The following PDE3A variants were observed in gnomAD, a reference collection of about 807,000 sequenced individuals.
PDE3A encodes the protein phosphodiesterase 3A, also known as cGMP-inhibited 3',5'-cyclic phosphodiesterase 3A.
PDE3A carries 43 observed loss-of-function variants against 98.3 expected under a neutral mutation model. That is an observed-to-expected ratio of 0.44 (90% CI 0.34 to 0.56). PDE3A has a LOEUF of 0.56. PDE3A is among the 20% of genes least tolerant of loss of function. The pLI is 0.01. For synonymous variants in PDE3A, 663 were observed against 567.9 expected, an observed-to-expected ratio of 1.17 and a Z score of -2.38; for missense variants, 1,427 against 1,440.7, an observed-to-expected ratio of 0.99 and a Z score of 0.15.
intron 2 of PDE3A, among the ~76,000 whole-genome samples, chr12:20,561,731 T>G (rs1215297170): frequency 1.3e-5 from 2 of 152,186 alleles, no homozygotes; most frequent in Admixed American, 1.3e-4. Context: ...TTTCCCTTTG[T>G]ATTTCAAAAT....
Position 20,560,095 on chromosome 12 carries a change from T to C in PDE3A, c.1011+3385T>C, listed in dbSNP as rs112502673. Among the ~76,000 whole-genome samples, 947 of 152,240 alleles carry C rather than the reference T, an allele frequency of 6.2e-3. 16 individuals are homozygous for C. Among genetic ancestry groups the C allele is most frequent in the African/African-American group, 0.021 (884 of 41,536 alleles). On this transcript the variant is annotated intron_variant, in intron 2 of 15. Transcript: ENST00000359062. ...AGATGAAAGATGATGACTTCAGGGT[T>C]GGCAATATTAAGTGACAAGTGAAGG...
chr12:20,670,913 G>T (rs1296613703), intron 15 of PDE3A, among the ~76,000 whole-genome samples: 1 of 131,166 alleles, frequency 7.6e-6, no homozygotes, highest in African/African-American at 3.2e-5. Flanking sequence ...TCCAGGAGCT[G>T]GTTTTTTGAA....
At chr12:20,493,477 C>T (rs931242263) in intron 1 of PDE3A, among the ~76,000 whole-genome samples, 4 of 152,142 alleles carry the variant, frequency 2.6e-5, no homozygotes, top group African/African-American at 9.7e-5. Flanking sequence ...GTTATGTGCA[C>T]ATACTATGCT....
chr12:20,549,865 TAAAAGA>T (rs202016891), intron 1 of PDE3A, among the ~76,000 whole-genome samples: 5,913 of 152,212 alleles, frequency 0.039, 356 homozygotes, highest in African/African-American at 0.13. Context: ...TTTTATGCTT[TAAAAGA>T]AAAAGTCAAA....
At chr12:20,553,711 C>T (rs2121261042) in intron 1 of PDE3A, among the ~76,000 whole-genome samples, 1 of 152,358 alleles carries the variant, frequency 6.6e-6, no homozygotes, top group South Asian at 2.1e-4. Context: ...CCACGTGGGG[C>T]CAGGCGTGTG....
intron 1 of PDE3A, among the ~76,000 whole-genome samples, chr12:20,524,267 C>T (rs1245205177): frequency 1.3e-5 from 2 of 152,200 alleles, no homozygotes; most frequent in African/African-American, 4.8e-5. Flanking sequence ...TAGCTCTTCA[C>T]ATCCTCCCAA....
At chr12:20,579,767 T>C (rs906814640) in intron 2 of PDE3A, among the ~76,000 whole-genome samples, 2 of 152,186 alleles carry the variant, frequency 1.3e-5, no homozygotes, top group Non-Finnish European at 2.9e-5. Flanking sequence ...GTATGTACAA[T>C]GATTCAGAGT....
At chr12:20,603,523 G>GAAAT (rs1943642739) in intron 2 of PDE3A, among the ~76,000 whole-genome samples, 2 of 152,194 alleles carry the variant, frequency 1.3e-5, no homozygotes, top group Admixed American at 1.3e-4. Context: ...GTAAGAAGTG[G>GAAAT]AAATAGGTTT....
intron 2 of PDE3A, among the ~76,000 whole-genome samples, chr12:20,562,947 A>T (rs528078781): frequency 1.3e-5 from 2 of 152,340 alleles, no homozygotes; most frequent in East Asian, 1.9e-4. Context: ...TTAAATGCAC[A>T]CTAGACTATC....
intron 1 of PDE3A, among the ~76,000 whole-genome samples, chr12:20,382,453 A>T (rs1943679132): frequency 6.6e-6 from 1 of 151,964 alleles, no homozygotes; most frequent in Non-Finnish European, 1.5e-5. Flanking sequence ...TTGAAGTTCA[A>T]AAAAACTTCA....
At chr12:20,561,042 C>A (rs1251197805) in intron 2 of PDE3A, among the ~76,000 whole-genome samples, 1 of 151,708 alleles carries the variant, frequency 6.6e-6, no homozygotes, top group East Asian at 1.9e-4. Context: ...GCAGGTGGCA[C>A]CTGAGGTCAG....
intron 1 of PDE3A, among the ~76,000 whole-genome samples, chr12:20,518,983 G>A (rs2121143159): frequency 6.6e-6 from 1 of 152,282 alleles, no homozygotes; most frequent in South Asian, 2.1e-4. Flanking sequence ...ACATGTGGCA[G>A]ATAGTCATTG....
At chr12:20,532,278 C>T (rs974343943) in intron 1 of PDE3A, among the ~76,000 whole-genome samples, 1 of 151,890 alleles carries the variant, frequency 6.6e-6, no homozygotes, top group African/African-American at 2.4e-5. Context: ...AGGCATTTGT[C>T]TTATTTAACA....
chr12:20,667,126 T>A (rs1565469763), intron 15 of PDE3A, among the ~76,000 whole-genome samples: 1 of 152,316 alleles, frequency 6.6e-6, no homozygotes, highest in South Asian at 2.1e-4. Flanking sequence ...AGAATTTTTT[T>A]GTTTTTGTTT....
intron 1 of PDE3A, among the ~76,000 whole-genome samples, chr12:20,426,982 GA>G (rs1944611089): frequency 1.3e-5 from 2 of 152,164 alleles, no homozygotes; most frequent in Non-Finnish European, 2.9e-5. Context: ...GTTATTCTAA[GA>G]AAGGAGCTAA....
chr12:20,502,233 G>A (rs965121831), intron 1 of PDE3A, among the ~76,000 whole-genome samples: 1 of 152,016 alleles, frequency 6.6e-6, no homozygotes, highest in Non-Finnish European at 1.5e-5. Context: ...AAAGAGTAAG[G>A]TTCAGCTGAA....
chr12:20,455,241 G>A (rs1312435280), intron 1 of PDE3A, among the ~76,000 whole-genome samples: 2 of 152,012 alleles, frequency 1.3e-5, no homozygotes, highest in African/African-American at 4.8e-5. Context: ...TCATACGCTT[G>A]TGGCCACGTG....
At chr12:20,532,930 C>T (rs1941649435) in intron 1 of PDE3A, among the ~76,000 whole-genome samples, 1 of 152,168 alleles carries the variant, frequency 6.6e-6, no homozygotes, top group South Asian at 2.1e-4. Flanking sequence ...CCCGCCTCGG[C>T]CTCCCAAAGT....
intron 1 of PDE3A, among the ~76,000 whole-genome samples, chr12:20,386,264 T>C (rs900466976): frequency 9.1e-5 from 12 of 131,834 alleles, no homozygotes; most frequent in Admixed American, 8.8e-5. Flanking sequence ...TATATTAATA[T>C]ATTATATTAT....
Sources: allele counts gnomAD v4.1 joint callset (sites outside exome capture counted in the v4.1 genomes callset), GRCh38; gene constraint gnomAD v4.1.1; transcripts MANE v1.5; gene names NCBI Gene and HGNC (gene_info 2026-07-23, HGNC 2026-07-21).